Variants in COL4A1 observed in about 807,000 individuals in gnomAD.
COL4A1 encodes collagen type IV alpha 1 chain, also known as collagen alpha-1(IV) chain.
A neutral mutation model predicts 216.6 loss-of-function variants in COL4A1; 40 were observed. That is an observed-to-expected ratio of 0.18 (90% CI 0.14 to 0.24). The LOEUF (loss-of-function observed/expected upper bound fraction) is 0.24, where lower values mean the gene tolerates loss of function less well. Ranked by LOEUF, COL4A1 falls within the 10% of genes least tolerant of loss-of-function variation. The pLI is 1.00. For synonymous variants in COL4A1, 839 were observed against 810.7 expected, an observed-to-expected ratio of 1.03 and a Z score of -0.59; for missense variants, 1,628 against 2,196.8, an observed-to-expected ratio of 0.74 and a Z score of 5.18.
intron 2 of COL4A1, among the ~76,000 whole-genome samples, chr13:110,236,868 T>G (rs1238768940): frequency 2.6e-5 from 4 of 152,168 alleles, no homozygotes; most frequent in Admixed American, 2.6e-4. Context: ...GATGCATATT[T>G]TGATGGGCTG....
intron 1 of COL4A1, among the ~76,000 whole-genome samples, chr13:110,295,246 TTTTC>T (rs1454068772): frequency 6.7e-6 from 1 of 148,820 alleles, no homozygotes; most frequent in South Asian, 2.2e-4. Context: ...CACTACATGG[TTTTC>T]TTTCTTTCTT....
chr13:110,179,475 T>C, intron 29 of COL4A1, 54 bp from the exon 30 acceptor site: 2 of 1,613,330 alleles, frequency 1.2e-6, no homozygotes, highest in South Asian at 2.2e-5. Flanking sequence ...TCAGTATTTT[T>C]ATCAAACCAA....
chr13:110,173,498 G>C (rs958023163), intron 40 of COL4A1, among the ~76,000 whole-genome samples: 1 of 151,900 alleles, frequency 6.6e-6, no homozygotes, highest in Non-Finnish European at 1.5e-5. Flanking sequence ...CAGACTCAGG[G>C]GCCAACCAAT....
intron 1 of COL4A1, among the ~76,000 whole-genome samples, chr13:110,290,223 C>A (rs975461523): frequency 2.0e-5 from 3 of 152,200 alleles, no homozygotes; most frequent in Non-Finnish European, 4.4e-5. Context: ...ACAACAAGTG[C>A]GAACACACTA....
chr13:110,299,295 A>G (rs1225725688), intron 1 of COL4A1, among the ~76,000 whole-genome samples: 1 of 151,980 alleles, frequency 6.6e-6, no homozygotes, highest in African/African-American at 2.4e-5. Flanking sequence ...CATACCCCAC[A>G]CCTCCAAAAA....
At chr13:110,157,193 A>G (rs1876825440) in intron 49 of COL4A1, among the ~76,000 whole-genome samples, 1 of 152,244 alleles carries the variant, frequency 6.6e-6, no homozygotes, top group Non-Finnish European at 1.5e-5. Context: ...AGTTGTGTCC[A>G]AGACAGAACG....
intron 1 of COL4A1, among the ~76,000 whole-genome samples, chr13:110,299,738 T>A (rs899283675): frequency 2.0e-5 from 3 of 152,226 alleles, no homozygotes; most frequent in Admixed American, 6.5e-5. Context: ...TGCCAGCTTC[T>A]TTGAGAAACA....
rs895949915 is a variant in COL4A1, at chr13:110,155,264, C to A, written c.4755+19G>T. On this transcript the variant is annotated intron_variant, in intron 50 of 51. Transcript: ENST00000375820. ...GTGGGGCTCTTCCCGGGAAATATGG[C>A]GTCTCCCCAGACACTTACCATCACA... 1.3e-6 allele frequency: 2 copies of A among 1,577,302 alleles called. No homozygotes were observed. Among genetic ancestry groups the A allele is most frequent in the Non-Finnish European group, 1.7e-6 (2 of 1,146,286 alleles).
At chr13:110,301,893 C>T (rs1258467335) in intron 1 of COL4A1, among the ~76,000 whole-genome samples, 3 of 152,150 alleles carry the variant, frequency 2.0e-5, no homozygotes, top group South Asian at 2.1e-4. Context: ...AGGGGGAACC[C>T]CAGTGAGATA....
At chr13:110,206,994 A>G (rs1879550962) in intron 13 of COL4A1, 103 bp from the exon 14 acceptor site, 1 of 1,203,084 alleles carries the variant, frequency 8.3e-7, no homozygotes, top group Non-Finnish European at 1.2e-6. Context: ...TTTTTCTGAT[A>G]TATTAACAAA....
chr13:110,202,920 A>C (rs942523249), intron 18 of COL4A1, among the ~76,000 whole-genome samples: 1 of 152,224 alleles, frequency 6.6e-6, no homozygotes, highest in Admixed American at 6.5e-5. Context: ...TTTTTTTAAA[A>C]AAGGTGTCAA....
Position 110,192,236 on chromosome 13 carries a change from C to G in COL4A1, c.1514G>C (p.Arg505Thr), listed in dbSNP as rs371627589. The change falls in exon 24 of 52, where the codon AGA becomes ACA. Residue 505 changes from arginine to threonine, a missense_variant. Transcript: ENST00000375820. ...GAKGDRGLPG[R>T]DGVAGVPGPQ... ...TACTGGCACTCCTGCAACACCATCT[C>G]TGCCAGGCAAACCTCTGTCGCCCTT... is the stretch of plus-strand genomic sequence containing the variant. The G allele has an allele frequency of 6.2e-7, 1 of 1,614,218 alleles. No homozygotes were observed. The highest frequency in any genetic ancestry group is 8.5e-7 in the Non-Finnish European group (1 of 1,180,032).
intron 42 of COL4A1, among the ~76,000 whole-genome samples, 176 bp from the exon 43 acceptor site, chr13:110,169,938 AG>A: frequency 7.2e-6 from 1 of 138,432 alleles, no homozygotes; most frequent in South Asian, 2.7e-4. Flanking sequence ...GGAGGGAGGG[AG>A]GGAGGGAATA....
At chr13:110,247,835 G>GTGTGTGTGTGTGTGA (rs765744265) in intron 1 of COL4A1, among the ~76,000 whole-genome samples, 1 of 96,558 alleles carries the variant, frequency 1.0e-5, no homozygotes. Context: ...GTGTGTGTGT[G>GTGTGTGTGTGTGTGA]GCAGAGAGAG....
rs1268470688 is a variant in COL4A1, at chr13:110,219,915, T to C, written c.145-5900A>G. Among the ~76,000 whole-genome samples, 3 of 127,750 alleles carry C rather than the reference T, an allele frequency of 2.3e-5. No homozygotes were observed. In the East Asian group the frequency reaches 6.4e-4, roughly 27 times the overall value. The allele number at this position is 127,750 out of a possible 152,430, so 83.8% of individuals were successfully genotyped here. A position where few individuals can be genotyped will look rare whatever the true frequency, so the allele number is the denominator to read the frequency against. On this transcript the variant is annotated intron_variant, in intron 2 of 51. Coordinates refer to ENST00000375820, the MANE Select transcript of COL4A1 (RefSeq NM_001845.6). ...GTGTATATATATGTATATATATGTG[T>C]GTATATATATGTATGTATATGTGTG...
At chr13:110,239,731 G>A (rs997483911) in intron 2 of COL4A1, among the ~76,000 whole-genome samples, 4 of 152,174 alleles carry the variant, frequency 2.6e-5, no homozygotes, top group African/African-American at 7.2e-5. Context: ...AAGTGCAGAA[G>A]GTAGAAGGTG....
chr13:110,192,845 G>C lies in COL4A1; in HGVS notation c.1450C>G (p.Pro484Ala). ...GYRGPPGPQGPPGEIGFPGQP... is the reference protein window; with the variant it reads ...GYRGPPGPQGAPGEIGFPGQP... ...TGGGTCTTACCTATTTCTCCCGGGG[G>C]TCCCTGTGGCCCGGGAGGCCCCCGA... Residue 484 changes from proline (P) to alanine (A), a missense_variant, in exon 23 of 52, where the codon CCC becomes GCC. By Grantham distance (27) the Pro-to-Ala change is conservative. Coordinates refer to ENST00000375820, the MANE Select transcript of COL4A1 (RefSeq NM_001845.6). The C allele has an allele frequency of 3.7e-6, 6 of 1,613,924 alleles. No individual in the cohort carries two copies. The highest frequency in any genetic ancestry group is 4.2e-6 in the Non-Finnish European group (5 of 1,179,890).
chr13:110,207,321 A>T lies in COL4A1; in HGVS notation c.780+82T>A. Reference sequence around the variant, plus strand: ...GGATTGAATGTAGCTGGAAAAACTGAGTTTTGACCCATTTTCTCTTTATCT... The same window carrying T: ...GGATTGAATGTAGCTGGAAAAACTGTGTTTTGACCCATTTTCTCTTTATCT... On this transcript the variant is annotated intron_variant, in intron 13 of 51. Coordinates refer to ENST00000375820, the MANE Select transcript of COL4A1 (RefSeq NM_001845.6). The surrounding 1 kb of genome is among the most constrained non-coding windows in gnomAD (Gnocchi z 4.4). 8.3e-7 allele frequency: 1 copy of T among 1,208,314 alleles called. No individual in the cohort carries two copies. Among genetic ancestry groups the T allele is most frequent in the Non-Finnish European group, 1.2e-6 (1 of 810,348 alleles). 74.8% of individuals were successfully genotyped at this position (1,208,314 alleles called of 1,614,324 possible).
intron 1 of COL4A1, among the ~76,000 whole-genome samples, chr13:110,293,309 A>G (rs1884157847): frequency 6.6e-6 from 1 of 152,212 alleles, no homozygotes; most frequent in Non-Finnish European, 1.5e-5. Context: ...GCTCTGACCC[A>G]GGGAAGAGTC....
Sources: allele counts gnomAD v4.1 joint callset (sites outside exome capture counted in the v4.1 genomes callset), GRCh38; gene constraint gnomAD v4.1.1; non-coding constraint Gnocchi (gnomAD v3.1); transcripts MANE v1.5; gene names NCBI Gene and HGNC (gene_info 2026-07-23, HGNC 2026-07-21).